The following LRP4 variants were observed in gnomAD, a reference collection of about 807,000 sequenced individuals.
LRP4 encodes the protein LDL receptor related protein 4, also known as low-density lipoprotein receptor-related protein 4.
A neutral mutation model predicts 220.3 loss-of-function variants in LRP4; 95 were observed. The observed-to-expected ratio is 0.43, with a 90% CI of 0.37 to 0.51. The LOEUF (loss-of-function observed/expected upper bound fraction) is 0.51, where lower values mean the gene tolerates loss of function less well. Ranked by LOEUF, LRP4 falls within the 20% of genes least tolerant of loss-of-function variation. The pLI, the probability that LRP4 is intolerant of heterozygous loss-of-function variation, is 0.00. For missense variants in LRP4, 1,925 were observed against 2,567.0 expected, an observed-to-expected ratio of 0.75 and a Z score of 5.40; for synonymous variants, 903 against 954.6, an observed-to-expected ratio of 0.95 and a Z score of 1.00.
intron 13 of LRP4, 65 bp downstream of exon 13, chr11:46,892,908 C>T (rs898491145): frequency 1.9e-6 from 3 of 1,579,542 alleles, no homozygotes; most frequent in Non-Finnish European, 2.6e-6. Flanking sequence ...AATGTCTAGT[C>T]CAGGTAGCCT....
At position 46,909,793 on chromosome 11, in the gene LRP4, G is replaced by A. The variant is rs181535982; in HGVS notation, c.53-6864C>T. Among the ~76,000 whole-genome samples the A allele has an allele frequency of 4.1e-3, 619 of 151,972 alleles. 4 individuals are homozygous for A. The highest frequency in any genetic ancestry group is 3.8e-3 in the Non-Finnish European group (258 of 67,960). On this transcript the variant is annotated intron_variant, in intron 1 of 37. Transcript: ENST00000378623. Reference sequence around the variant, plus strand: ...AATCTTGTGAAAGCTGGAGTCAAAGGAAAAGAGACTCAGAATATCATAAAT... The same window carrying A: ...AATCTTGTGAAAGCTGGAGTCAAAGAAAAAGAGACTCAGAATATCATAAAT...
intron 1 of LRP4, among the ~76,000 whole-genome samples, chr11:46,910,927 C>T (rs1228923417): frequency 2.0e-5 from 3 of 152,080 alleles, no homozygotes; most frequent in African/African-American, 7.2e-5. Flanking sequence ...CCACCTGTCT[C>T]GGCCTCCCAA....
At chr11:46,916,802 C>A (rs1941952719) in intron 1 of LRP4, among the ~76,000 whole-genome samples, 1 of 152,140 alleles carries the variant, frequency 6.6e-6, no homozygotes, top group South Asian at 2.1e-4. Context: ...CCTTGCAACC[C>A]GAAGGGGGAA....
At chr11:46,870,200 C>T (rs890033948) in intron 31 of LRP4, among the ~76,000 whole-genome samples, 2 of 151,482 alleles carry the variant, frequency 1.3e-5, no homozygotes, top group African/African-American at 2.4e-5. Context: ...ATCTAGGAAG[C>T]GGAGGTTGCA....
chr11:46,917,939 C>T (rs1472804208), intron 1 of LRP4, among the ~76,000 whole-genome samples: 1 of 152,212 alleles, frequency 6.6e-6, no homozygotes, highest in Non-Finnish European at 1.5e-5. Flanking sequence ...TTTAGCGACC[C>T]TCCTCACCCG....
chr11:46,886,853 C>T (rs1404900544), intron 16 of LRP4, among the ~76,000 whole-genome samples: 4 of 152,208 alleles, frequency 2.6e-5, no homozygotes, highest in Admixed American at 2.0e-4. Context: ...ACTGCCAACC[C>T]CTGACCCCTA....
At chr11:46,864,398 G>A in intron 36 of LRP4, 50 bp downstream of exon 36, 1 of 1,324,202 alleles carries the variant, frequency 7.6e-7, no homozygotes, top group Non-Finnish European at 1.1e-6. Context: ...TCCCAGACAT[G>A]CTCATGAAGA....
chr11:46,902,734 C>A lies in LRP4; in HGVS notation c.199+49G>T, dbSNP rs765521100. ...CATCAGCCTTGTCCTTGCCCCCCAC[C>A]CCCAGGTCCCTCTCCACCACCTCCC... On this transcript the variant is annotated intron_variant, in intron 2 of 37. Transcript: ENST00000378623. 7 of 1,611,080 alleles carry A rather than the reference C, an allele frequency of 4.3e-6. No homozygotes were observed. The African/African-American group carries it at 8.0e-5, about 18-fold the overall frequency.
At chr11:46,900,132 G>A in intron 3 of LRP4, 130 bp downstream of exon 3, 1 of 953,510 alleles carries the variant, frequency 1.0e-6, no homozygotes, top group Non-Finnish European at 1.7e-6. Context: ...GACTTCGAGA[G>A]GAAGTGAAAG....
intron 16 of LRP4, among the ~76,000 whole-genome samples, chr11:46,887,048 T>A (rs535571926): frequency 2.0e-5 from 3 of 152,286 alleles, no homozygotes; most frequent in South Asian, 4.1e-4. Context: ...TTATTCTTAT[T>A]CCCATTTTCT....
Position 46,873,072 on chromosome 11 carries a change from A to C in LRP4, c.4583+28T>G. On this transcript the variant is annotated intron_variant, in intron 30 of 37. Transcript: ENST00000378623. The surrounding 1 kb of genome is among the most constrained non-coding windows in gnomAD (Gnocchi z 4.2). ...TCTCTCTTCTGCCCACCCGATTTCC[A>C]GGAGGCTGTTTGATGCAAGACTCCC... 1 of 1,614,110 alleles carries C rather than the reference A, an allele frequency of 6.2e-7. No individual in the cohort carries two copies. The highest frequency in any genetic ancestry group is 8.5e-7 in the Non-Finnish European group (1 of 1,179,984).
At position 46,899,443 on chromosome 11, in the gene LRP4, T is replaced by C; in HGVS notation, c.491A>G (p.His164Arg). The C allele has an allele frequency of 1.2e-6, 2 of 1,614,126 alleles. No homozygotes were observed. Among genetic ancestry groups the C allele is most frequent in the Non-Finnish European group, 1.7e-6 (2 of 1,180,000 alleles). Residue 164 changes from histidine to arginine, a missense_variant, in exon 5 of 38, where the codon CAT becomes CGT. Transcript: ENST00000378623. The surrounding 1 kb of genome is among the most constrained non-coding windows in gnomAD (Gnocchi z 5.9). ...RCSDGSCIAE[H>R]WYCDGDTDCK... ...GTCGGTGTCACCGTCGCAGTACCAA[T>C]GCTCAGCAATGCAGCTTCCGTCACT...
intron 34 of LRP4, among the ~76,000 whole-genome samples, chr11:46,866,388 C>T (rs904444559): frequency 6.6e-5 from 10 of 151,706 alleles, no homozygotes; most frequent in South Asian, 2.1e-4. Flanking sequence ...TCAAGCAATC[C>T]TCCCAACCTC....
In LRP4 at chr11:46,873,699, A is replaced by G. The variant is rs1940933020; in HGVS notation, c.4230-106T>C. 1 of 816,750 alleles carries G rather than the reference A, an allele frequency of 1.2e-6. No homozygotes were observed. The highest frequency in any genetic ancestry group is 2.0e-6 in the Non-Finnish European group (1 of 506,656). 50.6% of individuals were successfully genotyped at this position (816,750 alleles called of 1,614,324 possible). Reference sequence around the variant, plus strand: ...GACCCCACTGAACTGTAAGCTCCACAGGGATAGAGACCAGGTATCTATGAG... The same window carrying G: ...GACCCCACTGAACTGTAAGCTCCACGGGGATAGAGACCAGGTATCTATGAG... On this transcript the variant is annotated intron_variant, in intron 28 of 37. Coordinates refer to ENST00000378623, the MANE Select transcript of LRP4 (RefSeq NM_002334.4). The surrounding 1 kb of genome is among the most constrained non-coding windows in gnomAD (Gnocchi z 4.2).
At chr11:46,887,237 T>C (rs530107484) in intron 16 of LRP4, among the ~76,000 whole-genome samples, 9 of 152,218 alleles carry the variant, frequency 5.9e-5, no homozygotes, top group Non-Finnish European at 1.3e-4. Context: ...TCAGTCTGAA[T>C]ACTTTCTCAG....
In LRP4 at chr11:46,910,560, G is replaced by A. The variant is rs552497074; in HGVS notation, c.53-7631C>T. On this transcript the variant is annotated intron_variant, in intron 1 of 37. Transcript: ENST00000378623. ...TTGAGATGTTTGAAAACCCTACTGTGTACCAGGCAGCAGTACCACCACCAT... is the reference window on the plus strand; with the variant it reads ...TTGAGATGTTTGAAAACCCTACTGTATACCAGGCAGCAGTACCACCACCAT... 3.9e-5 allele frequency among the ~76,000 whole-genome samples: 6 copies of A among 152,082 alleles called. No homozygotes were observed. The South Asian group carries it at 1.2e-3, about 32-fold the overall frequency.
At chr11:46,870,726 T>C (rs1940840574) in intron 31 of LRP4, among the ~76,000 whole-genome samples, 2 of 152,228 alleles carry the variant, frequency 1.3e-5, no homozygotes, top group South Asian at 4.1e-4. Context: ...CTGGCCAAGA[T>C]TTTTAAATGA....
chr11:46,884,518 C>T (rs915490856), intron 18 of LRP4, among the ~76,000 whole-genome samples: 3 of 151,782 alleles, frequency 2.0e-5, no homozygotes, highest in African/African-American at 7.3e-5. Context: ...GGGTGGATCA[C>T]GAGATTAGGA....
intron 32 of LRP4, 32 bp from the exon 33 acceptor site, chr11:46,868,745 G>T: frequency 6.7e-7 from 1 of 1,493,126 alleles, no homozygotes; most frequent in Non-Finnish European, 9.3e-7. Flanking sequence ...GTCTTATCTG[G>T]GACAGAATCA....
Sources: gnomAD v4.1 joint callset for allele counts (sites outside exome capture counted in the v4.1 genomes callset) on GRCh38, gnomAD v4.1.1 for gene constraint, Gnocchi (gnomAD v3.1) non-coding constraint, MANE v1.5 for transcripts, NCBI Gene and HGNC (gene_info 2026-07-23, HGNC 2026-07-21) for gene names.